The following RCAN2 variants were observed in gnomAD, a reference collection of about 807,000 sequenced individuals.
RCAN2 encodes the protein calcipressin-2.
In RCAN2, 9 loss-of-function variants were observed where a neutral mutation model predicts 23.6. That is an observed-to-expected ratio of 0.38 (90% CI 0.23 to 0.67). The LOEUF (loss-of-function observed/expected upper bound fraction) is 0.67. Ranked by LOEUF, RCAN2 falls within the 30% of genes least tolerant of loss-of-function variation. The pLI is 0.51. For synonymous variants in RCAN2, 109 were observed against 115.7 expected (o/e 0.94, Z 0.37); for missense variants, 273 against 302.3 (o/e 0.90, Z 0.72).
chr6:46,225,217 A>G (rs1229483264), intron 4 of RCAN2, among the ~76,000 whole-genome samples: 1 of 152,132 alleles, frequency 6.6e-6, no homozygotes, highest in African/African-American at 2.4e-5. Context: ...AGTCTTTGCT[A>G]TTGTGAATAG....
intron 2 of RCAN2, among the ~76,000 whole-genome samples, chr6:46,310,731 G>A (rs532534807): frequency 2.6e-5 from 4 of 152,262 alleles, no homozygotes; most frequent in African/African-American, 7.2e-5. Flanking sequence ...ACCTTATAGA[G>A]AATTTGTCTA....
chr6:46,432,418 G>A (rs1767238521), intron 2 of RCAN2, among the ~76,000 whole-genome samples: 1 of 152,022 alleles, frequency 6.6e-6, no homozygotes, highest in Non-Finnish European at 1.5e-5. Flanking sequence ...TCTCCATGTT[G>A]GCCAGGCTGG....
At chr6:46,479,775 G>T (rs1768807388) in intron 1 of RCAN2, among the ~76,000 whole-genome samples, 1 of 151,962 alleles carries the variant, frequency 6.6e-6, no homozygotes, top group South Asian at 2.1e-4. Context: ...TAACGATGGG[G>T]TTTCACCATG....
chr6:46,453,129 T>C (rs1767926671), intron 2 of RCAN2, among the ~76,000 whole-genome samples: 1 of 152,188 alleles, frequency 6.6e-6, no homozygotes, highest in African/African-American at 2.4e-5. Flanking sequence ...TTCCTCAAGA[T>C]GACTTCTGCA....
intron 2 of RCAN2, among the ~76,000 whole-genome samples, chr6:46,315,178 G>T (rs1763394250): frequency 6.6e-6 from 1 of 152,104 alleles, no homozygotes; most frequent in Admixed American, 6.6e-5. Context: ...CATGTTTTAG[G>T]GTTTGCAAAT....
chr6:46,329,650 G>T (rs546133031), intron 2 of RCAN2, among the ~76,000 whole-genome samples: 1 of 152,212 alleles, frequency 6.6e-6, no homozygotes, highest in Non-Finnish European at 1.5e-5. Flanking sequence ...GGCTGCAAAG[G>T]CATGGTGAGT....
chr6:46,374,625 G>C (rs1421358332), intron 2 of RCAN2, among the ~76,000 whole-genome samples: 2 of 152,150 alleles, frequency 1.3e-5, no homozygotes, highest in African/African-American at 2.4e-5. Flanking sequence ...GTGTAATACT[G>C]TAAAGAGGCC....
intron 1 of RCAN2, among the ~76,000 whole-genome samples, chr6:46,483,482 C>CAGCA (rs1768918662): frequency 6.6e-6 from 1 of 152,152 alleles, no homozygotes; most frequent in Non-Finnish European, 1.5e-5. Context: ...GAAACCAAAC[C>CAGCA]AGCATCCAGG....
intron 2 of RCAN2, among the ~76,000 whole-genome samples, chr6:46,393,650 A>G (rs1765999554): frequency 6.6e-6 from 1 of 152,240 alleles, no homozygotes; most frequent in Admixed American, 6.5e-5. Context: ...TACCAAAAGG[A>G]TGGTTTTCTC....
At chr6:46,286,119 C>T (rs1263160843) in intron 2 of RCAN2, among the ~76,000 whole-genome samples, 1 of 152,168 alleles carries the variant, frequency 6.6e-6, no homozygotes, top group East Asian at 1.9e-4. Flanking sequence ...AAAGGTTTCT[C>T]CATGCATAGT....
intron 2 of RCAN2, among the ~76,000 whole-genome samples, chr6:46,425,730 C>T (rs1226912668): frequency 6.6e-6 from 1 of 151,964 alleles, no homozygotes; most frequent in Non-Finnish European, 1.5e-5. Flanking sequence ...AAAAAAACAG[C>T]ATATATCAAA....
intron 2 of RCAN2, among the ~76,000 whole-genome samples, chr6:46,356,667 G>A (rs1764841928): frequency 6.6e-6 from 1 of 152,134 alleles, no homozygotes; most frequent in Non-Finnish European, 1.5e-5. Flanking sequence ...GTGCTGTGAT[G>A]CCCAATTTCA....
chr6:46,456,937 C>G lies in RCAN2; in HGVS notation c.40G>C (p.Gly14Arg). The G allele has an allele frequency of 6.4e-7, 1 of 1,550,842 alleles. No individual in the cohort carries two copies. Among genetic ancestry groups the G allele is most frequent in the Non-Finnish European group, 8.7e-7 (1 of 1,146,992 alleles). ...ESYFIGMRSP[G>R]QQGHVPEDGG... ...TCTTCAGGGACGTGTCCCTGCTGCC[C>G]TGGGCTCCTCATTCCGATGAAGTAT... The change falls in exon 2 of 5, where the codon GGG (glycine) becomes CGG (arginine). Residue 14 changes from glycine to arginine, a missense_variant. Coordinates refer to ENST00000371374, the MANE Select transcript of RCAN2 (RefSeq NM_001251974.2).
At chr6:46,307,994 CA>C (rs2150354969) in intron 2 of RCAN2, among the ~76,000 whole-genome samples, 1 of 152,128 alleles carries the variant, frequency 6.6e-6, no homozygotes, top group South Asian at 2.1e-4. Flanking sequence ...AGTAATTATC[CA>C]GCAAATAAAC....
At chr6:46,490,118 T>A (rs1769098793) in intron 1 of RCAN2, among the ~76,000 whole-genome samples, 1 of 152,206 alleles carries the variant, frequency 6.6e-6, no homozygotes, top group Non-Finnish European at 1.5e-5. Context: ...AACAAAGGTG[T>A]GAAACTTGAG....
At chr6:46,229,027 GA>G (rs1206615251) in intron 4 of RCAN2, among the ~76,000 whole-genome samples, 1 of 152,088 alleles carries the variant, frequency 6.6e-6, no homozygotes, top group Non-Finnish European at 1.5e-5. Context: ...CTTCACTTAT[GA>G]AGCTTAGTTT....
In RCAN2 at chr6:46,246,879, G is replaced by A; in HGVS notation, c.440C>T (p.Ala147Val). The A allele has an allele frequency of 4.4e-6, 7 of 1,601,972 alleles. No homozygotes were observed. Among genetic ancestry groups the A allele is most frequent in the Non-Finnish European group, 6.0e-6 (7 of 1,172,842 alleles). Residue 147 changes from alanine (A) to valine (V), a missense_variant, in exon 4 of 5, where the codon GCT (alanine) becomes GTT (valine). Ala to Val is a moderately conservative substitution (Grantham distance 64). Coordinates refer to ENST00000371374, the MANE Select transcript of RCAN2 (RefSeq NM_001251974.2). Reference sequence around the variant, plus strand: ...AAACTGTTTGGCAGGCTGGGGTGGAGCCAAGTGCAGTTTGTCTCCATCTGT... The same window carrying A: ...AAACTGTTTGGCAGGCTGGGGTGGAACCAAGTGCAGTTTGTCTCCATCTGT... ...PETDGDKLHL[A>V]PPQPAKQFLI...
At chr6:46,429,298 G>GC (rs1348441684) in intron 2 of RCAN2, among the ~76,000 whole-genome samples, 1 of 152,184 alleles carries the variant, frequency 6.6e-6, no homozygotes, top group Non-Finnish European at 1.5e-5. Flanking sequence ...TTTAGAGGCA[G>GC]CTTTGCACAA....
rs981636588 is a variant in RCAN2, at chr6:46,220,748, A to C, written c.*2393T>G. On this transcript the variant is annotated 3_prime_UTR_variant, in exon 5 of 5. Coordinates refer to ENST00000371374, the MANE Select transcript of RCAN2 (RefSeq NM_001251974.2). ...ACATGGACAAAGAGTCATTCACCAGATATATTTGAAGTCTAAGCTCTTTGA... is the reference window on the plus strand; with the variant it reads ...ACATGGACAAAGAGTCATTCACCAGCTATATTTGAAGTCTAAGCTCTTTGA... The C allele has an allele frequency of 1.3e-5, 2 of 152,674 alleles. No homozygotes were observed. Among genetic ancestry groups the C allele is most frequent in the Non-Finnish European group, 2.9e-5 (2 of 68,048 alleles). The allele number at this position is 152,674 out of a possible 1,614,324, so 9.5% of individuals were successfully genotyped here.
Sources: allele counts gnomAD v4.1 joint callset (sites outside exome capture counted in the v4.1 genomes callset), GRCh38; gene constraint gnomAD v4.1.1; transcripts MANE v1.5; gene names NCBI Gene and HGNC (gene_info 2026-07-23, HGNC 2026-07-21).